TAF15: variants seen among roughly 807,000 people sequenced by gnomAD.
The protein encoded by TAF15 is TATA-box binding protein associated factor 15, also known as TATA-binding protein-associated factor 2N.
TAF15 carries 37 observed loss-of-function variants against 102.5 expected under a neutral mutation model. That is an observed-to-expected ratio of 0.36 (90% CI 0.28 to 0.47). TAF15 has a LOEUF of 0.47. TAF15 is among the 20% of genes least tolerant of loss of function. The pLI, the probability that TAF15 is intolerant of heterozygous loss-of-function variation, is 0.99. For missense variants in TAF15, 652 were observed against 760.7 expected (o/e 0.86, Z 1.68); for synonymous variants, 273 against 259.2 (o/e 1.05, Z -0.51).
rs2087098647 is a variant in TAF15, at chr17:35,809,521, T to G, written c.-49T>G. 6.2e-7 allele frequency: 1 copy of G among 1,612,132 alleles called. No homozygotes were observed. The highest frequency in any genetic ancestry group is 2.2e-5 in the East Asian group (1 of 44,832). ...GCCGCCGCGCCGCCTGGCTTTCGTA[T>G]TCGTTGTTCTCGGCGGGCTGTGGGG... is the stretch of plus-strand genomic sequence containing the variant. On this transcript the variant is annotated 5_prime_UTR_variant, in exon 1 of 16. Coordinates refer to ENST00000605844, the MANE Select transcript of TAF15 (RefSeq NM_139215.3).
rs776185724 is a variant in TAF15 at position 35,838,474 on chromosome 17, C to G, written c.834C>G (p.Asp278Glu). 6 of 1,614,144 alleles carry G rather than the reference C, an allele frequency of 3.7e-6. No homozygotes were observed. Among genetic ancestry groups the G allele is most frequent in the Non-Finnish European group, 5.1e-6 (6 of 1,180,028 alleles). Residue 278 changes from aspartate (D) to glutamate (E), a missense_variant, in exon 11 of 16, where the codon GAC becomes GAG. By Grantham distance (45) the Asp-to-Glu change is conservative. Transcript: ENST00000605844. ...KPMINLYTDKDTGKPKGEATV... is the reference protein window; with the variant it reads ...KPMINLYTDKETGKPKGEATV... Reference sequence around the variant, plus strand: ...TGATAAATCTTTATACAGACAAGGACACAGGAAAGCCAAAGGGGGAGGCAA... The same window carrying G: ...TGATAAATCTTTATACAGACAAGGAGACAGGAAAGCCAAAGGGGGAGGCAA...
intron 7 of TAF15, among the ~76,000 whole-genome samples, chr17:35,826,658 A>G (rs1244567616): frequency 6.6e-6 from 1 of 151,694 alleles, no homozygotes. Flanking sequence ...CCCAGGTTCA[A>G]ACAGTTCTCC....
chr17:35,814,329 C>A (rs1245103246), intron 1 of TAF15, among the ~76,000 whole-genome samples: 1 of 151,940 alleles, frequency 6.6e-6, no homozygotes, highest in African/African-American at 2.4e-5. Flanking sequence ...CCACCACGTC[C>A]GGCTAATTTT....
intron 7 of TAF15, 90 bp downstream of exon 7, chr17:35,824,288 CTAAT>C (rs2087299815): frequency 1.3e-6 from 2 of 1,517,052 alleles, no homozygotes; most frequent in African/African-American, 1.4e-5. Flanking sequence ...ATTCCAGCAT[CTAAT>C]TTAGTTAAGA....
chr17:35,839,561 T>G (rs9907588), intron 11 of TAF15, among the ~76,000 whole-genome samples: 14,132 of 151,742 alleles, frequency 0.093, 857 homozygotes, highest in East Asian at 0.22. Context: ...TTTTTGTATT[T>G]TTAGTAGAGA....
At chr17:35,828,199 A>G (rs2087353993) in intron 7 of TAF15, among the ~76,000 whole-genome samples, 1 of 152,222 alleles carries the variant, frequency 6.6e-6, no homozygotes, top group East Asian at 1.9e-4. Context: ...CTGCCGTAGA[A>G]ATACACATGT....
At position 35,817,773 on chromosome 17, in the gene TAF15, T is replaced by C; in HGVS notation, c.47+18T>C. 1 of 1,611,012 alleles carries C rather than the reference T, an allele frequency of 6.2e-7. No individual in the cohort carries two copies. The highest frequency in any genetic ancestry group is 8.5e-7 in the Non-Finnish European group (1 of 1,177,250). On this transcript the variant is annotated intron_variant, in intron 2 of 15. Coordinates refer to ENST00000605844, the MANE Select transcript of TAF15 (RefSeq NM_139215.3). ...CAGCAAAGGTAAAGTATACATACATTTTAATAATATGAAAGGGTAGAACTG... is the reference window on the plus strand; with the variant it reads ...CAGCAAAGGTAAAGTATACATACATCTTAATAATATGAAAGGGTAGAACTG...
intron 10 of TAF15, 29 bp downstream of exon 10, chr17:35,836,270 C>A (rs753503406): frequency 4.9e-6 from 7 of 1,425,576 alleles, no homozygotes; most frequent in South Asian, 1.2e-5. Flanking sequence ...TGTTGAAAAT[C>A]TCATAATTAA....
At chr17:35,845,738 C>T (rs1464063911) in intron 15 of TAF15, among the ~76,000 whole-genome samples, 9 of 152,064 alleles carry the variant, frequency 5.9e-5, no homozygotes, top group Non-Finnish European at 1.3e-4. Flanking sequence ...CCACCCGCCT[C>T]GGCCTCCCAA....
intron 7 of TAF15, chr17:35,830,393 ATTCT>A (rs1568264386): frequency 6.6e-6 from 1 of 152,238 alleles, no homozygotes; most frequent in African/African-American, 2.4e-5. Flanking sequence ...TACTTCAGGA[ATTCT>A]TTATGTGTAA....
chr17:35,837,826 C>G (rs1039717339), intron 10 of TAF15, among the ~76,000 whole-genome samples: 3 of 151,232 alleles, frequency 2.0e-5, no homozygotes, highest in African/African-American at 7.3e-5. Context: ...GACTCCACCT[C>G]AAAAAAAAGT....
Position 35,817,699 on chromosome 17 carries a change from C to T in TAF15, c.8-17C>T, listed in dbSNP as rs115282214. The T allele has an allele frequency of 2.5e-6, 4 of 1,611,356 alleles. No individual in the cohort carries two copies. In the African/African-American group the frequency reaches 5.3e-5, roughly 22 times the overall value. On this transcript the variant is annotated splice_polypyrimidine_tract_variant and intron_variant, in intron 1 of 15. Coordinates refer to ENST00000605844, the MANE Select transcript of TAF15 (RefSeq NM_139215.3). ...ATAATTTTAAATAAGATTTAAAATT[C>T]TTTTTATGTGTTCTAGATTCTGGAA... is the stretch of plus-strand genomic sequence containing the variant.
Position 35,809,824 on chromosome 17 carries a change from GGA to G in TAF15, c.7+251_7+252del. The G allele has an allele frequency of 5.0e-6, 3 of 604,232 alleles. No individual in the cohort carries two copies. The East Asian group carries it at 8.3e-5, about 17-fold the overall frequency. 37.4% of individuals were successfully genotyped at this position (604,232 alleles called of 1,614,324 possible). A position where few individuals can be genotyped will look rare whatever the true frequency, so the allele number is the denominator to read the frequency against. On this transcript the variant is annotated intron_variant, in intron 1 of 15. Coordinates refer to ENST00000605844, the MANE Select transcript of TAF15 (RefSeq NM_139215.3). ...TTTTGACCCTGTCCTTGGAACCCGA[GGA>G]GACTTGCCGTTCCCGGGGGAGGGTG... is the stretch of plus-strand genomic sequence containing the variant.
intron 2 of TAF15, 36 bp from the exon 3 acceptor site, chr17:35,819,988 C>T (rs755636006): frequency 1.3e-5 from 20 of 1,596,046 alleles, no homozygotes; most frequent in Non-Finnish European, 1.4e-5. Context: ...AAAATTTCTA[C>T]ACATTTCTTT....
intron 10 of TAF15, among the ~76,000 whole-genome samples, chr17:35,837,386 C>T (rs1487716301): frequency 6.6e-6 from 1 of 151,950 alleles, no homozygotes; most frequent in Admixed American, 6.6e-5. Flanking sequence ...AGCTCCTGGG[C>T]TCAAGTGATC....
At chr17:35,836,010 G>A in intron 9 of TAF15, 122 bp from the exon 10 acceptor site, 2 of 696,210 alleles carry the variant, frequency 2.9e-6, no homozygotes, top group Non-Finnish European at 5.0e-6. Context: ...TCTTATATTG[G>A]TCCTTTCCTT....
chr17:35,816,047 G>A (rs1378563848), intron 1 of TAF15, among the ~76,000 whole-genome samples: 1 of 151,948 alleles, frequency 6.6e-6, no homozygotes, highest in Non-Finnish European at 1.5e-5. Context: ...CTGCAGCCTC[G>A]ACCTCCTGGG....
chr17:35,838,680 TC>T lies in TAF15; in HGVS notation c.913+128del, dbSNP rs1179863727. On this transcript the variant is annotated intron_variant, in intron 11 of 15. Transcript: ENST00000605844. Reference sequence around the variant, plus strand: ...CTTTTGCAGATATTAAGAATACAGGTCAGAATTTTTATGTACCTTTAGAAAT... The same window carrying T: ...CTTTTGCAGATATTAAGAATACAGGTAGAATTTTTATGTACCTTTAGAAAT... 3 of 1,394,552 alleles carry T rather than the reference TC, an allele frequency of 2.2e-6. No individual in the cohort carries two copies. The African/African-American group carries it at 4.3e-5, about 20-fold the overall frequency. 86.4% of individuals were successfully genotyped at this position (1,394,552 alleles called of 1,614,324 possible).
chr17:35,845,176 T>G (rs2087609390), intron 15 of TAF15, 138 bp downstream of exon 15: 1 of 1,117,338 alleles, frequency 8.9e-7, no homozygotes, highest in African/African-American at 1.6e-5. Flanking sequence ...TGATTTAGTT[T>G]CCTGCTTAGC....
Sources: allele counts gnomAD v4.1 joint callset (sites outside exome capture counted in the v4.1 genomes callset), GRCh38; gene constraint gnomAD v4.1.1; transcripts MANE v1.5; gene names NCBI Gene and HGNC (gene_info 2026-07-23, HGNC 2026-07-21).